Variants in IQCE observed in about 807,000 individuals in gnomAD.
IQCE encodes the protein IQ motif containing E.
Under a neutral mutation model 96.0 loss-of-function variants are expected in IQCE, and 115 were observed. That is an observed-to-expected ratio of 1.20 (90% CI 1.03 to 1.40). The LOEUF is 1.40. IQCE is among the 40% of genes most tolerant of loss of function. The pLI is 0.00. For missense variants in IQCE, 1,041 were observed against 909.1 expected (o/e 1.15, Z -1.87); for synonymous variants, 412 against 371.2 (o/e 1.11, Z -1.26).
chr7:2,582,716 C>A, intron 9 of IQCE, 66 bp downstream of exon 9: 2 of 1,420,274 alleles, frequency 1.4e-6, no homozygotes, highest in Non-Finnish European at 9.8e-7. Context: ...AGACGCCCGC[C>A]TTTGTTCCTC....
chr7:2,596,622 A>G (rs1784060967), intron 16 of IQCE, among the ~76,000 whole-genome samples: 1 of 152,188 alleles, frequency 6.6e-6, no homozygotes, highest in South Asian at 2.1e-4. Context: ...GAGTCGGTTT[A>G]AGAGTTGCCT....
rs1054978212 is a variant in IQCE at position 2,584,175 on chromosome 7, C to T, written c.775-61C>T. Reference sequence around the variant, plus strand: ...GTCAGGACTGTGATGTTGGTCTTTTCAGATAAGGTCTTCTCCATGCTAGCC... The same window carrying T: ...GTCAGGACTGTGATGTTGGTCTTTTTAGATAAGGTCTTCTCCATGCTAGCC... On this transcript the variant is annotated intron_variant, in intron 10 of 21. Coordinates refer to ENST00000402050, the MANE Select transcript of IQCE (RefSeq NM_152558.5). 4.8e-6 allele frequency: 7 copies of T among 1,455,210 alleles called. No individual in the cohort carries two copies. The African/African-American group carries it at 9.8e-5, about 20-fold the overall frequency. 90.1% of individuals were successfully genotyped at this position (1,455,210 alleles called of 1,614,324 possible).
rs1479462921 is a variant in IQCE at position 2,586,283 on chromosome 7, T to C, written c.900T>C (p.Ser300=). ...GTGCCCTCCTGAGCTTGTCCCGGAGTGTCCAGGAGCTCACGGAAGAGAACC... is the reference window on the plus strand; with the variant it reads ...GTGCCCTCCTGAGCTTGTCCCGGAGCGTCCAGGAGCTCACGGAAGAGAACC... The part of the protein sequence containing the change: ...MGSALLSLSR[S]VQELTEENQS... Residue 300 remains serine, a synonymous_variant, in exon 12 of 22, where the codon AGT becomes AGC. Transcript: ENST00000402050. 22 of 1,612,726 alleles carry C rather than the reference T, an allele frequency of 1.4e-5. No homozygotes were observed. The highest frequency in any genetic ancestry group is 1.9e-5 in the Non-Finnish European group (22 of 1,179,136).
chr7:2,586,063 C>G (rs909729113), intron 11 of IQCE, 145 bp from the exon 12 acceptor site: 4 of 669,426 alleles, frequency 6.0e-6, no homozygotes, highest in African/African-American at 5.5e-5. Context: ...TTATTACTGC[C>G]TATTCGATTT....
At chr7:2,565,520 G>C (rs1225158357) in intron 1 of IQCE, among the ~76,000 whole-genome samples, 2 of 152,180 alleles carry the variant, frequency 1.3e-5, no homozygotes, top group African/African-American at 4.8e-5. Context: ...TTTATTCACA[G>C]CAAGGAATAA....
At position 2,593,382 on chromosome 7, in the gene IQCE, C is replaced by T. The variant is rs564818038; in HGVS notation, c.1349+256C>T. 6.6e-5 allele frequency among the ~76,000 whole-genome samples: 10 copies of T among 152,396 alleles called. No individual in the cohort carries two copies. In the South Asian group the frequency reaches 1.7e-3, roughly 25 times the overall value. On this transcript the variant is annotated intron_variant, in intron 15 of 21. Coordinates refer to ENST00000402050, the MANE Select transcript of IQCE (RefSeq NM_152558.5). ...GGCTGTGCCAGCACCTGCCCCTTCC[C>T]AACCAGCTGTCACACTGGCCTCTGG...
chr7:2,610,222 C>A lies in IQCE; in HGVS notation c.*60C>A, dbSNP rs1048988068. The A allele has an allele frequency of 3.1e-6, 3 of 960,232 alleles. No individual in the cohort carries two copies. The highest frequency in any genetic ancestry group is 5.1e-6 in the Non-Finnish European group (3 of 584,730). The allele number at this position is 960,232 out of a possible 1,614,324, so 59.5% of individuals were successfully genotyped here. A position where few individuals can be genotyped will look rare whatever the true frequency, so the allele number is the denominator to read the frequency against. ...GCTGCCGAGGACATAGGAACCACGA[C>A]TGGAAAGATAATTTATCGTGTTAGG... On this transcript the variant is annotated 3_prime_UTR_variant, in exon 22 of 22. Transcript: ENST00000402050.
intron 16 of IQCE, 28 bp downstream of exon 16, chr7:2,595,004 CGTCAG>C: frequency 6.7e-7 from 1 of 1,494,008 alleles, no homozygotes. Context: ...TTGAGTCTCC[CGTCAG>C]GTGCGGTGAG....
intron 6 of IQCE, among the ~76,000 whole-genome samples, chr7:2,577,809 TGTGCGCGCGGGGAC>T (rs1782286367): frequency 1.4e-5 from 2 of 138,432 alleles, no homozygotes; most frequent in South Asian, 4.5e-4. Flanking sequence ...TGTGCGTGGC[TGTGCGCGCGGGGAC>T]GTGTGTGCGG....
At chr7:2,609,816 G>A (rs1375378629) in intron 21 of IQCE, among the ~76,000 whole-genome samples, 1 of 152,138 alleles carries the variant, frequency 6.6e-6, no homozygotes, top group Non-Finnish European at 1.5e-5. Flanking sequence ...TGAGGCTGGA[G>A]AGTGAGGCTT....
chr7:2,559,503 G>C (rs1780758637), intron 1 of IQCE: 1 of 223,668 alleles, frequency 4.5e-6, no homozygotes, highest in African/African-American at 2.3e-5. Flanking sequence ...GCGGCCCGCA[G>C]GTGACGGAGC....
intron 6 of IQCE, among the ~76,000 whole-genome samples, chr7:2,575,291 C>T (rs1214785260): frequency 1.3e-5 from 2 of 152,242 alleles, no homozygotes; most frequent in East Asian, 1.9e-4. Flanking sequence ...AGTTCCCACT[C>T]AGCCATCATC....
At chr7:2,604,497 C>T (rs754668055) in intron 18 of IQCE, among the ~76,000 whole-genome samples, 2 of 152,228 alleles carry the variant, frequency 1.3e-5, no homozygotes, top group Admixed American at 1.3e-4. Context: ...ATTTAGAAGA[C>T]ATCTATGGAA....
chr7:2,574,640 TCA>T (rs1781987704), intron 6 of IQCE, among the ~76,000 whole-genome samples: 2 of 152,230 alleles, frequency 1.3e-5, no homozygotes, highest in South Asian at 4.1e-4. Flanking sequence ...TGGGATTTTC[TCA>T]GTCTCTTGAA....
chr7:2,583,174 G>A (rs1007495923), intron 9 of IQCE, among the ~76,000 whole-genome samples: 2 of 152,092 alleles, frequency 1.3e-5, no homozygotes, highest in African/African-American at 4.8e-5. Context: ...CTTTGCTTTC[G>A]TTTCTCTATC....
chr7:2,596,283 GA>G (rs959002376), intron 16 of IQCE, among the ~76,000 whole-genome samples: 3 of 151,154 alleles, frequency 2.0e-5, no homozygotes, highest in African/African-American at 7.3e-5. Flanking sequence ...AAGAAAGAGA[GA>G]AAGAGAAAAG....
At chr7:2,606,978 C>A in intron 20 of IQCE, 146 bp from the exon 21 acceptor site, 1 of 685,860 alleles carries the variant, frequency 1.5e-6, no homozygotes, top group Non-Finnish European at 2.4e-6. Context: ...TTGGGTACAG[C>A]GCTGGTCGTG....
intron 3 of IQCE, 52 bp from the exon 4 acceptor site, chr7:2,571,474 A>G: frequency 3.1e-6 from 5 of 1,598,790 alleles, no homozygotes; most frequent in Non-Finnish European, 3.4e-6. Flanking sequence ...TCATGTGTTG[A>G]GCTCACATGT....
intron 21 of IQCE, chr7:2,607,679 A>AG (rs5881932): frequency 1 from 428,941 of 428,946 alleles, 214,468 homozygotes; most frequent in Middle Eastern, 1. Flanking sequence ...ATGCCCCAGC[A>AG]GGCCCTGCCT....
Sources: gnomAD v4.1 joint callset for allele counts (sites outside exome capture counted in the v4.1 genomes callset) on GRCh38, gnomAD v4.1.1 for gene constraint, MANE v1.5 for transcripts, NCBI Gene and HGNC (gene_info 2026-07-23, HGNC 2026-07-21) for gene names.